SLC35F3: variants seen among roughly 807,000 people sequenced by gnomAD.
The protein encoded by SLC35F3 is solute carrier family 35 member F3.
In SLC35F3, 25 loss-of-function variants were observed where a neutral mutation model predicts 49.9. The observed-to-expected ratio is 0.50, with a 90% CI of 0.37 to 0.70. The LOEUF (loss-of-function observed/expected upper bound fraction) is 0.70. Among genes scored for constraint, SLC35F3 ranks in the 30% least tolerant of loss-of-function variants. The probability of loss-of-function intolerance (pLI) is 0.00; values close to 1 mark genes in which losing one functional copy is unlikely to be tolerated. For missense variants in SLC35F3, 525 were observed against 639.8 expected (o/e 0.82, Z 1.94); for synonymous variants, 275 against 265.4 (o/e 1.04, Z -0.35).
At chr1:234,299,804 C>CAAAAA (rs36039526) in intron 3 of SLC35F3, among the ~76,000 whole-genome samples, 36 of 84,480 alleles carry the variant, frequency 4.3e-4, no homozygotes, top group Non-Finnish European at 6.7e-4. Flanking sequence ...GACTCCATCT[C>CAAAAA]AAAAAAAAAA....
rs573247804 is a variant in SLC35F3, at chr1:233,941,875, C to T, written c.283+36117C>T. Among the ~76,000 whole-genome samples, 15 of 152,114 alleles carry T rather than the reference C, an allele frequency of 9.9e-5. No individual in the cohort carries two copies. The South Asian group carries it at 3.1e-3, about 32-fold the overall frequency. Reference sequence around the variant, plus strand: ...ATGAGTCTGAATGTATGCGTACACCCATGGAACCATCACCAATTAAGGTAA... The same window carrying T: ...ATGAGTCTGAATGTATGCGTACACCTATGGAACCATCACCAATTAAGGTAA... On this transcript the variant is annotated intron_variant, in intron 2 of 7. Transcript: ENST00000366618.
chr1:233,995,503 C>T (rs1189763798), intron 2 of SLC35F3, among the ~76,000 whole-genome samples: 1 of 152,280 alleles, frequency 6.6e-6, no homozygotes, highest in East Asian at 1.9e-4. Context: ...TGCCTGATCC[C>T]TCCACTTGTG....
chr1:234,199,149 G>A (rs1413635774), intron 2 of SLC35F3, among the ~76,000 whole-genome samples: 1 of 151,982 alleles, frequency 6.6e-6, no homozygotes, highest in African/African-American at 2.4e-5. Context: ...GATTGCTTAA[G>A]CTCGGGTGTT....
intron 2 of SLC35F3, among the ~76,000 whole-genome samples, chr1:234,172,746 T>C (rs1276746393): frequency 1.3e-5 from 2 of 152,216 alleles, no homozygotes; most frequent in Non-Finnish European, 2.9e-5. Context: ...TAGGCAATTG[T>C]AACACAATGG....
At chr1:234,002,831 A>G (rs1663573851) in intron 2 of SLC35F3, among the ~76,000 whole-genome samples, 1 of 152,106 alleles carries the variant, frequency 6.6e-6, no homozygotes, top group Non-Finnish European at 1.5e-5. Flanking sequence ...CCATGTATTT[A>G]TTCATTTACT....
At chr1:234,152,690 G>C (rs962681181) in intron 2 of SLC35F3, among the ~76,000 whole-genome samples, 1 of 152,098 alleles carries the variant, frequency 6.6e-6, no homozygotes, top group South Asian at 2.1e-4. Context: ...ATAAATATAC[G>C]TGTGCATGTG....
chr1:234,282,800 G>C (rs1668350400), intron 3 of SLC35F3, among the ~76,000 whole-genome samples: 1 of 152,184 alleles, frequency 6.6e-6, no homozygotes, highest in Admixed American at 6.5e-5. Context: ...TACGCACATT[G>C]TGTTAACGGT....
chr1:234,038,311 G>A (rs1664173734), intron 2 of SLC35F3, among the ~76,000 whole-genome samples: 1 of 150,628 alleles, frequency 6.6e-6, no homozygotes, highest in East Asian at 1.9e-4. Context: ...TTTTATGGCT[G>A]CATAGTATTC....
At position 233,947,341 on chromosome 1, in the gene SLC35F3, G is replaced by GGAGA. The variant is rs148848593; in HGVS notation, c.283+41601_283+41604dup. ...ATACTCCCTGAAACAGTAAGAGGGA[G>GGAGA]GAGAGAGAGAGAGAGAGAGAGGAAG... On this transcript the variant is annotated intron_variant, in intron 2 of 7. Transcript: ENST00000366618. Among the ~76,000 whole-genome samples the GGAGA allele has an allele frequency of 3.2e-3, 481 of 149,882 alleles. 3 individuals carry two copies. The highest frequency in any genetic ancestry group is 0.011 in the African/African-American group (463 of 41,048).
At chr1:233,960,842 A>G (rs924752639) in intron 2 of SLC35F3, among the ~76,000 whole-genome samples, 2 of 152,016 alleles carry the variant, frequency 1.3e-5, no homozygotes, top group African/African-American at 4.8e-5. Context: ...TTGACCTTGC[A>G]TAACTCATTT....
At chr1:234,079,693 A>C (rs1451820282) in intron 2 of SLC35F3, among the ~76,000 whole-genome samples, 1 of 152,262 alleles carries the variant, frequency 6.6e-6, no homozygotes, top group African/African-American at 2.4e-5. Context: ...ATTTGAAACC[A>C]CAATGAAATA....
At chr1:234,291,849 T>C (rs1217211598) in intron 3 of SLC35F3, among the ~76,000 whole-genome samples, 2 of 152,176 alleles carry the variant, frequency 1.3e-5, no homozygotes, top group Non-Finnish European at 2.9e-5. Flanking sequence ...AAATACACTT[T>C]AAGGCAAAAG....
chr1:234,096,656 G>A (rs1217571980), intron 2 of SLC35F3, among the ~76,000 whole-genome samples: 1 of 152,140 alleles, frequency 6.6e-6, no homozygotes, highest in Non-Finnish European at 1.5e-5. Flanking sequence ...GGTTGGGGGA[G>A]CTAGATTCTT....
At position 234,084,220 on chromosome 1, in the gene SLC35F3, G is replaced by GAA. The variant is rs1553303588; in HGVS notation, c.284-147196_284-147195insAA. 7.6e-4 allele frequency among the ~76,000 whole-genome samples: 113 copies of GAA among 148,316 alleles called. 1 individual carries two copies. Among genetic ancestry groups the GAA allele is most frequent in the East Asian group, 5.0e-3 (25 of 5,010 alleles). Reference sequence around the variant, plus strand: ...TGGTCACTGTTGGTGATAAGGAATAGACACACACACACACACACACACACA... The same window carrying GAA: ...TGGTCACTGTTGGTGATAAGGAATAGAAACACACACACACACACACACACACA... On this transcript the variant is annotated intron_variant, in intron 2 of 7. Transcript: ENST00000366618.
At chr1:233,932,325 C>T (rs990573641) in intron 2 of SLC35F3, among the ~76,000 whole-genome samples, 6 of 152,036 alleles carry the variant, frequency 3.9e-5, no homozygotes, top group African/African-American at 1.4e-4. Flanking sequence ...CTTGCTGTCT[C>T]AGGGGTGGCA....
intron 2 of SLC35F3, among the ~76,000 whole-genome samples, chr1:234,208,886 A>T (rs970657247): frequency 6.6e-6 from 1 of 152,222 alleles, no homozygotes; most frequent in African/African-American, 2.4e-5. Flanking sequence ...GGGGCTAGTG[A>T]TAAAGAACAG....
rs749676183 is a variant in SLC35F3, at chr1:234,316,583, T to A, written c.829-19T>A. The A allele has an allele frequency of 8.2e-6, 13 of 1,594,224 alleles. No homozygotes were observed. Among genetic ancestry groups the A allele is most frequent in the Non-Finnish European group, 3.4e-6 (4 of 1,164,076 alleles). ...TCCGTCCCGACTTCCCTGACCAGCA[T>A]TTTCTTCCGTCTGTCCAGATTGTGG... On this transcript the variant is annotated intron_variant, in intron 4 of 7. Coordinates refer to ENST00000366618, the MANE Select transcript of SLC35F3 (RefSeq NM_173508.4).
chr1:234,238,516 T>C (rs1406998738), intron 3 of SLC35F3, among the ~76,000 whole-genome samples: 2 of 152,210 alleles, frequency 1.3e-5, no homozygotes, highest in East Asian at 3.8e-4. Flanking sequence ...GACATCACCG[T>C]CTGAGTTTAC....
intron 2 of SLC35F3, among the ~76,000 whole-genome samples, chr1:234,153,780 T>A (rs1454116660): frequency 6.6e-6 from 1 of 151,960 alleles, no homozygotes; most frequent in African/African-American, 2.4e-5. Context: ...ATACAAAAAC[T>A]AGCTGGGTGG....
Sources: gnomAD v4.1 joint callset for allele counts (sites outside exome capture counted in the v4.1 genomes callset) on GRCh38, gnomAD v4.1.1 for gene constraint, MANE v1.5 for transcripts, NCBI Gene and HGNC (gene_info 2026-07-23, HGNC 2026-07-21) for gene names.